The following ATP11B variants were observed in gnomAD, a reference collection of about 807,000 sequenced individuals.
ATP11B encodes phospholipid-transporting ATPase IF.
A neutral mutation model predicts 157.8 loss-of-function variants in ATP11B; 81 were observed. The ratio of observed to expected loss-of-function variants is 0.51; its 90% CI spans 0.43 to 0.62. ATP11B has a LOEUF of 0.62. Among genes scored for constraint, ATP11B ranks in the 20% least tolerant of loss-of-function variants. The pLI is 0.00. For synonymous variants in ATP11B, 451 were observed against 469.4 expected (o/e 0.96, Z 0.51); for missense variants, 1,165 against 1,402.2 (o/e 0.83, Z 2.70).
intron 28 of ATP11B, among the ~76,000 whole-genome samples, chr3:182,901,299 G>T (rs1237121897): frequency 6.9e-6 from 1 of 145,640 alleles, no homozygotes; most frequent in Non-Finnish European, 1.5e-5. Context: ...GGGGGCAGAG[G>T]TTGCAGTCCA....
At chr3:182,857,396 C>A (rs528274102) in intron 10 of ATP11B, among the ~76,000 whole-genome samples, 1 of 152,220 alleles carries the variant, frequency 6.6e-6, no homozygotes. Flanking sequence ...ATCCACCCGC[C>A]TCGGTCTCCC....
intron 10 of ATP11B, 134 bp from the exon 11 acceptor site, chr3:182,857,744 C>T: frequency 2.0e-6 from 1 of 500,968 alleles, no homozygotes. Flanking sequence ...AAAACAAAAG[C>T]TGTGTATTTT....
rs752188714 is a variant in ATP11B, at chr3:182,914,080, A to G, written c.3452+86A>G. The G allele has an allele frequency of 1.2e-5, 18 of 1,562,612 alleles. 1 individual carries two copies. The highest frequency in any genetic ancestry group is 6.9e-5 in the East Asian group (3 of 43,678). ...ACCTGCCGCTCTAGATACCTAATAA[A>G]TCAGCAGCTGGTTTTACCAACTGAA... On this transcript the variant is annotated intron_variant, in intron 29 of 29. Coordinates refer to ENST00000323116, the MANE Select transcript of ATP11B (RefSeq NM_014616.3).
intron 21 of ATP11B, among the ~76,000 whole-genome samples, chr3:182,882,252 T>C (rs1413657019): frequency 6.6e-6 from 1 of 152,178 alleles, no homozygotes; most frequent in Non-Finnish European, 1.5e-5. Context: ...TTAATTCTCC[T>C]TCTAGTTTGT....
rs144904944 is a variant in ATP11B at position 182,857,387 on chromosome 3, T to G, written c.852-491T>G. Among the ~76,000 whole-genome samples, 500 of 152,242 alleles carry G rather than the reference T, an allele frequency of 3.3e-3. 6 individuals carry two copies. Among genetic ancestry groups the G allele is most frequent in the African/African-American group, 0.012 (484 of 41,544 alleles). On this transcript the variant is annotated intron_variant, in intron 10 of 29. Coordinates refer to ENST00000323116, the MANE Select transcript of ATP11B (RefSeq NM_014616.3). ...TGGTCTCAATCTCCTGATCTCGTGA[T>G]CCACCCGCCTCGGTCTCCCAAAGTG...
At chr3:182,917,320 A>G in intron 29 of ATP11B, 2 of 985,338 alleles carry the variant, frequency 2.0e-6, no homozygotes, top group Non-Finnish European at 2.4e-6. Flanking sequence ...TAAGCATGGC[A>G]GGCTACTTTT....
At chr3:182,861,150 C>T (rs561371045) in intron 12 of ATP11B, among the ~76,000 whole-genome samples, 5 of 151,164 alleles carry the variant, frequency 3.3e-5, no homozygotes, top group African/African-American at 1.2e-4. Flanking sequence ...ACTGCAACCT[C>T]CGCCTCCTGG....
Position 182,919,985 on chromosome 3 carries a change from C to G in ATP11B, c.*1881C>G, listed in dbSNP as rs1027017753. On this transcript the variant is annotated 3_prime_UTR_variant, in exon 30 of 30. Coordinates refer to ENST00000323116, the MANE Select transcript of ATP11B (RefSeq NM_014616.3). ...TAATGAAGATATACTCAGTAGAGTA[C>G]TAGGTGGGAGGATATGGAAATTTGC... 2.6e-5 allele frequency: 4 copies of G among 152,096 alleles called. No individual in the cohort carries two copies. The highest frequency in any genetic ancestry group is 2.6e-4 in the Admixed American group (4 of 15,266). The allele number at this position is 152,096 out of a possible 1,614,324, so 9.4% of individuals were successfully genotyped here.
At chr3:182,916,897 GT>G (rs2108600344) in intron 29 of ATP11B, 1 of 982,020 alleles carries the variant, frequency 1.0e-6, no homozygotes, top group Admixed American at 6.2e-5. Context: ...CTTGTCCCCT[GT>G]AAATACTTAC....
At chr3:182,805,537 C>T (rs1438455043) in intron 1 of ATP11B, among the ~76,000 whole-genome samples, 3 of 151,834 alleles carry the variant, frequency 2.0e-5, no homozygotes, top group African/African-American at 7.3e-5. Context: ...TCATGGCAAC[C>T]TCCGCCTCCC....
chr3:182,845,927 T>G (rs1018868950), intron 9 of ATP11B, among the ~76,000 whole-genome samples: 1 of 152,210 alleles, frequency 6.6e-6, no homozygotes, highest in East Asian at 1.9e-4. Flanking sequence ...TTCAACAAAT[T>G]TACTGATATC....
At chr3:182,869,731 T>A (rs1721509756) in intron 17 of ATP11B, among the ~76,000 whole-genome samples, 1 of 152,226 alleles carries the variant, frequency 6.6e-6, no homozygotes, top group Non-Finnish European at 1.5e-5. Context: ...AGTTACTATA[T>A]GACACAGCAG....
At chr3:182,805,600 G>A (rs9637457) in intron 1 of ATP11B, among the ~76,000 whole-genome samples, 79,125 of 150,760 alleles carry the variant, frequency 0.52, 23,304 homozygotes, top group Non-Finnish European at 0.67. Flanking sequence ...TATTATAGGC[G>A]CGTGCTACCA....
At chr3:182,859,045 C>A in intron 11 of ATP11B, 117 bp from the exon 12 acceptor site, 1 of 609,990 alleles carries the variant, frequency 1.6e-6, no homozygotes, top group Non-Finnish European at 2.8e-6. Context: ...ACTATTCTAC[C>A]TCAGAATATA....
chr3:182,874,714 A>G (rs960928193), intron 19 of ATP11B, among the ~76,000 whole-genome samples: 9 of 152,202 alleles, frequency 5.9e-5, no homozygotes, highest in Non-Finnish European at 8.8e-5. Context: ...AACATTTGCA[A>G]TGTTAACTTT....
Position 182,851,738 on chromosome 3 carries a change from C to T in ATP11B, c.851+3181C>T, listed in dbSNP as rs150953455. Among the ~76,000 whole-genome samples the T allele has an allele frequency of 3.6e-3, 554 of 151,918 alleles. 5 individuals are homozygous for T. Among genetic ancestry groups the T allele is most frequent in the African/African-American group, 0.013 (525 of 41,406 alleles). The stretch of plus-strand genomic sequence containing the variant: ...GTAAACAGCAAGAAAGGAAGAACAG[C>T]GAAACAAAAAACCAAATGAGAGAAT... On this transcript the variant is annotated intron_variant, in intron 10 of 29. Transcript: ENST00000323116.
intron 7 of ATP11B, among the ~76,000 whole-genome samples, chr3:182,840,107 C>T (rs983360822): frequency 3.9e-5 from 6 of 152,122 alleles, no homozygotes; most frequent in Non-Finnish European, 8.8e-5. Context: ...TGACTCCTTT[C>T]GTTGTTTTGC....
At chr3:182,843,064 CT>C (rs1475495735) in intron 8 of ATP11B, among the ~76,000 whole-genome samples, 1 of 152,220 alleles carries the variant, frequency 6.6e-6, no homozygotes, top group Non-Finnish European at 1.5e-5. Flanking sequence ...ACAATGTAAT[CT>C]CTTGCTCTGA....
intron 4 of ATP11B, chr3:182,833,831 A>G (rs1245255964): frequency 6.6e-6 from 1 of 152,220 alleles, no homozygotes; most frequent in Non-Finnish European, 1.5e-5. Flanking sequence ...CTACTTGGGC[A>G]AAGGCCCAAG....
Sources: gnomAD v4.1 joint callset for allele counts (sites outside exome capture counted in the v4.1 genomes callset) on GRCh38, gnomAD v4.1.1 for gene constraint, MANE v1.5 for transcripts, NCBI Gene and HGNC (gene_info 2026-07-23, HGNC 2026-07-21) for gene names.